The following TNNI3K variants were observed in gnomAD, a reference collection of about 807,000 sequenced individuals.
The protein encoded by TNNI3K is TNNI3 interacting kinase.
TNNI3K carries 140 observed loss-of-function variants against 114.5 expected under a neutral mutation model. That is an observed-to-expected ratio of 1.22 (90% CI 1.07 to 1.41). TNNI3K has a LOEUF of 1.41. Among genes scored for constraint, TNNI3K ranks in the 40% most tolerant of loss-of-function variants. TNNI3K has a pLI of 0.00. For missense variants in TNNI3K, 1,125 were observed against 1,007.6 expected (o/e 1.12, Z -1.58); for synonymous variants, 347 against 347.5 (o/e 1.00, Z 0.02).
intron 9 of TNNI3K, 55 bp downstream of exon 9, chr1:74,343,234 C>A: frequency 6.5e-7 from 1 of 1,539,822 alleles, no homozygotes; most frequent in Non-Finnish European, 8.8e-7. Flanking sequence ...CTCTAAAGCA[C>A]CTGAAGTTGT....
At position 74,250,726 on chromosome 1, in the gene TNNI3K, T is replaced by G. The variant is rs746891147; in HGVS notation, c.290T>G (p.Leu97Arg). The G allele has an allele frequency of 2.5e-6, 4 of 1,613,198 alleles. No homozygotes were observed. Among genetic ancestry groups the G allele is most frequent in the Non-Finnish European group, 3.4e-6 (4 of 1,179,714 alleles). ...LMLKGLRPSR[L>R]TRNGFTALHL... is the part of the protein sequence containing the mutation. ...TTGAAAGGGCTCCGCCCATCTCGAC[T>G]GACAAGAAATGGATTTACAGCCTTG... is the stretch of plus-strand genomic sequence containing the variant. The change falls in exon 4 of 25, where the codon CTG becomes CGG. Residue 97 changes from leucine (L) to arginine (R), a missense_variant. Physicochemically the swap from Leu to Arg is moderately radical, Grantham distance 102. Coordinates refer to ENST00000326637, the MANE Select transcript of TNNI3K (RefSeq NM_015978.3).
At chr1:74,273,970 T>C (rs553509208) in intron 5 of TNNI3K, among the ~76,000 whole-genome samples, 6 of 152,052 alleles carry the variant, frequency 3.9e-5, no homozygotes, top group Non-Finnish European at 7.4e-5. Context: ...ACTATTACCA[T>C]TGACTTTTGA....
At chr1:74,308,478 C>T (rs1658783378) in intron 5 of TNNI3K, among the ~76,000 whole-genome samples, 1 of 152,026 alleles carries the variant, frequency 6.6e-6, no homozygotes, top group Non-Finnish European at 1.5e-5. Flanking sequence ...AGACTCACAC[C>T]ATATCAAAAC....
intron 5 of TNNI3K, among the ~76,000 whole-genome samples, chr1:74,310,681 A>G (rs1658939389): frequency 6.6e-6 from 1 of 152,106 alleles, no homozygotes; most frequent in Non-Finnish European, 1.5e-5. Context: ...TACACTTACA[A>G]TTAAGCTTTT....
intron 5 of TNNI3K, among the ~76,000 whole-genome samples, chr1:74,306,254 A>C (rs1658626539): frequency 1.3e-5 from 2 of 152,218 alleles, no homozygotes; most frequent in African/African-American, 4.8e-5. Flanking sequence ...CATATGTACC[A>C]CATTTTCTTT....
chr1:74,330,672 T>G (rs1175379371), intron 5 of TNNI3K, among the ~76,000 whole-genome samples: 5 of 152,216 alleles, frequency 3.3e-5, no homozygotes, highest in Non-Finnish European at 7.4e-5. Flanking sequence ...CAGTCTAATT[T>G]ATATGGCCTC....
chr1:74,491,428 C>T (rs958977790), intron 22 of TNNI3K, among the ~76,000 whole-genome samples: 1 of 152,090 alleles, frequency 6.6e-6, no homozygotes, highest in Non-Finnish European at 1.5e-5. Context: ...CCATGTTGAC[C>T]AGATGGTGTC....
intron 17 of TNNI3K, among the ~76,000 whole-genome samples, chr1:74,406,065 G>A (rs1664597466): frequency 6.6e-6 from 1 of 152,230 alleles, no homozygotes; most frequent in Non-Finnish European, 1.5e-5. Flanking sequence ...AGATGGGTCA[G>A]TTGATCTCCT....
At chr1:74,262,944 A>G (rs1473291060) in intron 4 of TNNI3K, among the ~76,000 whole-genome samples, 3 of 152,072 alleles carry the variant, frequency 2.0e-5, no homozygotes, top group African/African-American at 4.8e-5. Context: ...ATGCTACTGT[A>G]TATTATTACT....
intron 21 of TNNI3K, chr1:74,475,282 AAG>A: frequency 1.6e-6 from 1 of 630,434 alleles, no homozygotes; most frequent in Non-Finnish European, 2.9e-6. Context: ...TTTCTAAAAC[AAG>A]ACAAACTCAC....
chr1:74,265,383 G>T (rs1016460721), intron 4 of TNNI3K, among the ~76,000 whole-genome samples: 1 of 151,898 alleles, frequency 6.6e-6, no homozygotes, highest in Non-Finnish European at 1.5e-5. Context: ...TAGAAATGTC[G>T]AGGCCCTTCT....
chr1:74,264,200 A>G (rs980475572), intron 4 of TNNI3K, among the ~76,000 whole-genome samples: 11 of 151,422 alleles, frequency 7.3e-5, no homozygotes, highest in African/African-American at 2.7e-4. Context: ...AAAGTCAAGT[A>G]TTTCCACCAC....
chr1:74,354,357 T>C (rs1362854295), intron 11 of TNNI3K, among the ~76,000 whole-genome samples: 2 of 152,156 alleles, frequency 1.3e-5, no homozygotes, highest in Non-Finnish European at 2.9e-5. Context: ...ATTGGCACTT[T>C]GAAAAGGGAA....
chr1:74,315,653 C>T (rs564324759), intron 5 of TNNI3K, among the ~76,000 whole-genome samples: 1 of 151,834 alleles, frequency 6.6e-6, no homozygotes, highest in South Asian at 2.1e-4. Context: ...TATAAATAAA[C>T]TTCTATTATC....
chr1:74,248,365 T>C (rs890567302), intron 2 of TNNI3K, among the ~76,000 whole-genome samples: 1 of 152,072 alleles, frequency 6.6e-6, no homozygotes, highest in Admixed American at 6.5e-5. Context: ...CACAGTGCAG[T>C]GTCAGGCTGA....
intron 5 of TNNI3K, among the ~76,000 whole-genome samples, chr1:74,330,260 T>C (rs996146044): frequency 6.6e-6 from 1 of 152,000 alleles, no homozygotes; most frequent in African/African-American, 2.4e-5. Context: ...TCTCCCTCTA[T>C]TTGCCTAAAA....
chr1:74,381,799 G>A (rs1005355594), intron 17 of TNNI3K, among the ~76,000 whole-genome samples: 1 of 152,192 alleles, frequency 6.6e-6, no homozygotes, highest in African/African-American at 2.4e-5. Context: ...ATCCTTCTCA[G>A]TGATTCTTCT....
At chr1:74,454,741 G>A (rs1667161109) in intron 20 of TNNI3K, among the ~76,000 whole-genome samples, 1 of 152,046 alleles carries the variant, frequency 6.6e-6, no homozygotes, top group South Asian at 2.1e-4. Flanking sequence ...CCTGGCAGTG[G>A]GATTGCTGGA....
At chr1:74,464,602 A>G in intron 21 of TNNI3K, 1 of 1,540,502 alleles carries the variant, frequency 6.5e-7, no homozygotes, top group Non-Finnish European at 8.8e-7. Context: ...ATGTTTGAAA[A>G]GAGAATGCAA....
Sources: gnomAD v4.1 joint callset for allele counts (sites outside exome capture counted in the v4.1 genomes callset) on GRCh38, gnomAD v4.1.1 for gene constraint, MANE v1.5 for transcripts, NCBI Gene and HGNC (gene_info 2026-07-23, HGNC 2026-07-21) for gene names.